Variants in GLIS3 observed in about 807,000 individuals in gnomAD.
GLIS3 encodes the protein GLIS family zinc finger 3.
GLIS3 carries 53 observed loss-of-function variants against 78.6 expected under a neutral mutation model. The observed-to-expected ratio is 0.67, with a 90% CI of 0.54 to 0.85. The LOEUF (loss-of-function observed/expected upper bound fraction) is 0.85. Ranked by LOEUF, GLIS3 falls within the 40% of genes least tolerant of loss-of-function variation. GLIS3 has a pLI of 0.00. For synonymous variants in GLIS3, 684 were observed against 509.9 expected, an observed-to-expected ratio of 1.34 and a Z score of -4.60; for missense variants, 1,703 against 1,231.1, an observed-to-expected ratio of 1.38 and a Z score of -5.74.
chr9:3,963,251 C>T (rs1817699871), intron 4 of GLIS3, among the ~76,000 whole-genome samples: 1 of 152,164 alleles, frequency 6.6e-6, no homozygotes, highest in Non-Finnish European at 1.5e-5. Flanking sequence ...TGGAACTGAA[C>T]CCTTTTGCAG....
chr9:4,266,207 C>T (rs180917655), intron 2 of GLIS3, among the ~76,000 whole-genome samples: 5 of 150,810 alleles, frequency 3.3e-5, no homozygotes, highest in East Asian at 2.0e-4. Flanking sequence ...TGTGAGCCAC[C>T]GCGCCTGGCC....
chr9:4,207,836 C>G (rs1820017438), intron 2 of GLIS3, among the ~76,000 whole-genome samples: 1 of 152,178 alleles, frequency 6.6e-6, no homozygotes, highest in Non-Finnish European at 1.5e-5. Flanking sequence ...GGCAAAAAAG[C>G]AAAGGGAATG....
At chr9:4,084,576 A>C (rs767964362) in intron 4 of GLIS3, among the ~76,000 whole-genome samples, 7 of 152,126 alleles carry the variant, frequency 4.6e-5, no homozygotes, top group African/African-American at 7.2e-5. Flanking sequence ...GCTGTGAGGA[A>C]GAAGGGGAAA....
At chr9:4,288,562 A>T (rs1473104854) in intron 1 of GLIS3, among the ~76,000 whole-genome samples, 1 of 152,218 alleles carries the variant, frequency 6.6e-6, no homozygotes, top group Non-Finnish European at 1.5e-5. Flanking sequence ...AAAACACATA[A>T]GGAGGTACTT....
intron 1 of GLIS3, among the ~76,000 whole-genome samples, chr9:4,291,281 A>G (rs993758392): frequency 2.0e-5 from 3 of 152,148 alleles, no homozygotes; most frequent in African/African-American, 4.8e-5. Context: ...AAGACAAATT[A>G]GTGTCCTCTG....
chr9:4,210,701 C>A (rs1358558432), intron 2 of GLIS3, among the ~76,000 whole-genome samples: 1 of 152,222 alleles, frequency 6.6e-6, no homozygotes, highest in African/African-American at 2.4e-5. Flanking sequence ...CAATGCTTAT[C>A]CTGCTCGTCC....
At chr9:4,071,709 A>G (rs547177730) in intron 4 of GLIS3, 1 of 152,344 alleles carries the variant, frequency 6.6e-6, no homozygotes, top group African/African-American at 2.4e-5. Context: ...ATCAGAGGAA[A>G]GAAGGACAAA....
At chr9:4,182,615 C>G (rs1203144590) in intron 2 of GLIS3, among the ~76,000 whole-genome samples, 1 of 152,142 alleles carries the variant, frequency 6.6e-6, no homozygotes, top group Non-Finnish European at 1.5e-5. Context: ...GAAAGAGATT[C>G]AATCGCACTC....
At chr9:4,326,881 C>A (rs950907945) in intron 2 of GLIS3, among the ~76,000 whole-genome samples, 1 of 152,114 alleles carries the variant, frequency 6.6e-6, no homozygotes, top group African/African-American at 2.4e-5. Context: ...GCTGTGGGTG[C>A]ATGTCCTCTC....
intron 4 of GLIS3, among the ~76,000 whole-genome samples, chr9:4,078,908 C>G (rs1828310556): frequency 6.6e-6 from 1 of 152,140 alleles, no homozygotes; most frequent in Non-Finnish European, 1.5e-5. Flanking sequence ...CTGTCCCCCG[C>G]CCCACCCCAC....
rs768036394 is a variant in GLIS3, at chr9:4,118,884, G to T, written c.597-3C>A. 6.2e-7 allele frequency: 1 copy of T among 1,600,694 alleles called. No individual in the cohort carries two copies. The highest frequency in any genetic ancestry group is 1.1e-5 in the South Asian group (1 of 91,060). ...AAGACTCACGCGAAATAAGGGACCT[G>T]GAACAGCAGCCAGAAAGGAAGAAAA... On this transcript the variant is annotated splice_region_variant and splice_polypyrimidine_tract_variant and intron_variant, in intron 3 of 10. Coordinates refer to ENST00000381971, the MANE Select transcript of GLIS3 (RefSeq NM_001042413.2). This position sits in a 1 kb window ranked among gnomAD's most constrained non-coding sequence, Gnocchi z 4.7.
chr9:3,943,514 T>TTCAAAGGTTC (rs1816084558), intron 4 of GLIS3, among the ~76,000 whole-genome samples: 1 of 152,210 alleles, frequency 6.6e-6, no homozygotes, highest in Non-Finnish European at 1.5e-5. Flanking sequence ...TTTATAACAT[T>TTCAAAGGTTC]TCAAAGGTTC....
chr9:3,957,272 G>A (rs1471461423), intron 4 of GLIS3, among the ~76,000 whole-genome samples: 2 of 152,254 alleles, frequency 1.3e-5, no homozygotes, highest in African/African-American at 4.8e-5. Context: ...TGTTGATGCA[G>A]TAATCAATGT....
rs768976598 is a variant in GLIS3 at position 3,829,409 on chromosome 9, CACTGCAGGA to C, written c.2548_2556del (p.Ser850_Ser852del). On this transcript the variant is annotated inframe_deletion, in exon 10 of 11. Transcript: ENST00000381971. ...AGGCAGTCCTCAAACGAAGGCACCA[CACTGCAGGA>C]GCTGACAGGCGGCACAATTCTCTGG... 6.2e-7 allele frequency: 1 copy of C among 1,614,160 alleles called. No individual in the cohort carries two copies. Among genetic ancestry groups the C allele is most frequent in the South Asian group, 1.1e-5 (1 of 91,084 alleles).
In GLIS3 at chr9:3,879,483, A is replaced by G. The variant is rs1821575711; in HGVS notation, c.2241T>C (p.Pro747=). 6.2e-7 allele frequency: 1 copy of G among 1,613,952 alleles called. No individual in the cohort carries two copies. The highest frequency in any genetic ancestry group is 1.3e-5 in the African/African-American group (1 of 74,882). ...GAGGTAACTGGGAGGAGGGGTTGTG[A>G]GGGCTCCCCTGTACATTATGTCCTG... The part of the protein sequence containing the change: ...PSPGHNVQGS[P]HNPSSQLPPL... The change falls in exon 8 of 11, where the codon CCT becomes CCC. Residue 747 remains proline, a synonymous_variant. Transcript: ENST00000381971.
In GLIS3 at chr9:4,118,630, T is replaced by C. The variant is rs1339409416; in HGVS notation, c.848A>G (p.Tyr283Cys). 9.3e-6 allele frequency: 15 copies of C among 1,613,642 alleles called. No homozygotes were observed. The highest frequency in any genetic ancestry group is 1.3e-5 in the Non-Finnish European group (15 of 1,179,856). Residue 283 changes from tyrosine to cysteine, a missense_variant, in exon 4 of 11, where the codon TAC becomes TGC. Transcript: ENST00000381971. This position sits in a 1 kb window ranked among gnomAD's most constrained non-coding sequence, Gnocchi z 4.7. ...LFGTESSHSP[Y>C]PSPRHSSTRS... ...GGTGGATGAGTGCCGAGGACTAGGG[T>C]AAGGAGAGTGGCTACTTTCCGTGCC...
intron 8 of GLIS3, among the ~76,000 whole-genome samples, chr9:3,874,517 C>G (rs984011872): frequency 6.6e-6 from 1 of 152,202 alleles, no homozygotes; most frequent in Non-Finnish European, 1.5e-5. Context: ...CTGTGGAAAT[C>G]CTGATTTGTA....
chr9:3,879,378 G>T, intron 8 of GLIS3, 49 bp downstream of exon 8: 1 of 1,566,924 alleles, frequency 6.4e-7, no homozygotes, highest in Non-Finnish European at 8.8e-7. Context: ...GTCTGTGAAG[G>T]GAGGTTTGGC....
intron 4 of GLIS3, among the ~76,000 whole-genome samples, chr9:3,997,894 A>G (rs1165068070): frequency 6.6e-6 from 1 of 151,970 alleles, no homozygotes; most frequent in Non-Finnish European, 1.5e-5. Context: ...TCAGGATTAG[A>G]AAAAAAAGCC....
Sources: gnomAD v4.1 joint callset for allele counts (sites outside exome capture counted in the v4.1 genomes callset) on GRCh38, gnomAD v4.1.1 for gene constraint, Gnocchi (gnomAD v3.1) non-coding constraint, MANE v1.5 for transcripts, NCBI Gene and HGNC (gene_info 2026-07-23, HGNC 2026-07-21) for gene names.